Variants in LARP1B observed in about 807,000 individuals in gnomAD.
LARP1B encodes the protein la-related protein 1B.
A neutral mutation model predicts 114.2 loss-of-function variants in LARP1B; 76 were observed. The observed-to-expected ratio is 0.67, with a 90% confidence interval of 0.55 to 0.81. The LOEUF (loss-of-function observed/expected upper bound fraction) is 0.81, where lower values mean the gene tolerates loss of function less well. Among genes scored for constraint, LARP1B ranks in the 30% least tolerant of loss-of-function variants. LARP1B has a pLI of 0.00. For missense variants in LARP1B, 1,014 were observed against 1,075.8 expected (o/e 0.94, Z 0.80); for synonymous variants, 345 against 348.0 (o/e 0.99, Z 0.10).
In LARP1B at chr4:128,149,270, A is replaced by G. The variant is rs180835291; in HGVS notation, c.1525-12924A>G. Among the ~76,000 whole-genome samples the G allele has an allele frequency of 3.0e-3, 457 of 152,356 alleles. 3 individuals are homozygous for G. Among genetic ancestry groups the G allele is most frequent in the African/African-American group, 0.011 (439 of 41,578 alleles). Reference sequence around the variant, plus strand: ...AAGATTGGGTAGGTGAGGTGGGACCAGATTGCAAAGTGTCTTGAAAGCTTT... The same window carrying G: ...AAGATTGGGTAGGTGAGGTGGGACCGGATTGCAAAGTGTCTTGAAAGCTTT... On this transcript the variant is annotated intron_variant, in intron 11 of 19. Coordinates refer to ENST00000326639, the MANE Select transcript of LARP1B (RefSeq NM_018078.4).
intron 11 of LARP1B, chr4:128,155,281 G>T: frequency 2.4e-6 from 1 of 415,382 alleles, no homozygotes; most frequent in Non-Finnish European, 4.3e-6. Context: ...AAAAATCTGT[G>T]TGAAGGCACA....
chr4:128,200,505 A>G lies in LARP1B; in HGVS notation c.2165-16A>G. On this transcript the variant is annotated splice_polypyrimidine_tract_variant and intron_variant, in intron 16 of 19. Transcript: ENST00000326639. ...AGTATGTTTAATAAAATAATATTTT[A>G]TTTAACTTTTTTCAGAGAGAAAACG... 1.4e-6 allele frequency: 2 copies of G among 1,387,104 alleles called. No homozygotes were observed. The highest frequency in any genetic ancestry group is 1.9e-6 in the Non-Finnish European group (2 of 1,052,724). The allele number at this position is 1,387,104 out of a possible 1,614,324, so 85.9% of individuals were successfully genotyped here. A position where few individuals can be genotyped will look rare whatever the true frequency, so the allele number is the denominator to read the frequency against.
chr4:128,098,060 A>AT, intron 7 of LARP1B, 126 bp from the exon 8 acceptor site: 1 of 700,326 alleles, frequency 1.4e-6, no homozygotes, highest in Non-Finnish European at 2.4e-6. Context: ...TATTAGAGCT[A>AT]TACATATTGT....
chr4:128,188,627 GC>G (rs1751159644), intron 15 of LARP1B, among the ~76,000 whole-genome samples: 1 of 151,980 alleles, frequency 6.6e-6, no homozygotes, highest in African/African-American at 2.4e-5. Flanking sequence ...TTTGATGTAG[GC>G]ATTTATTGCT....
chr4:128,106,497 T>C (rs181960147), intron 8 of LARP1B, among the ~76,000 whole-genome samples: 194 of 152,138 alleles, frequency 1.3e-3, no homozygotes, highest in Non-Finnish European at 2.4e-3. Context: ...AATAAGGATT[T>C]AGTTTGTATC....
At chr4:128,166,966 CTCTCTATATA>C (rs1273036151) in intron 12 of LARP1B, among the ~76,000 whole-genome samples, 84 of 87,884 alleles carry the variant, frequency 9.6e-4, no homozygotes, top group Middle Eastern at 5.7e-3. Flanking sequence ...CTCTCTCTCT[CTCTCTATATA>C]TATATATATA....
At chr4:128,122,445 T>G (rs1434632295) in intron 11 of LARP1B, 11 of 1,450,002 alleles carry the variant, frequency 7.6e-6, no homozygotes, top group Non-Finnish European at 9.0e-6. Flanking sequence ...CTTGTTTTTT[T>G]TTTTTTTTGT....
chr4:128,069,932 C>T (rs934797575), intron 1 of LARP1B, among the ~76,000 whole-genome samples: 2 of 152,054 alleles, frequency 1.3e-5, no homozygotes, highest in Non-Finnish European at 1.5e-5. Context: ...ACTGTTGTTA[C>T]CCTAATGAAA....
At chr4:128,084,704 G>A (rs1580074092) in intron 5 of LARP1B, among the ~76,000 whole-genome samples, 1 of 151,986 alleles carries the variant, frequency 6.6e-6, no homozygotes, top group Non-Finnish European at 1.5e-5. Flanking sequence ...TCACATGGGA[G>A]TATGACCTTG....
intron 9 of LARP1B, among the ~76,000 whole-genome samples, chr4:128,111,308 A>T (rs559011358): frequency 1.3e-5 from 2 of 152,194 alleles, no homozygotes; most frequent in Non-Finnish European, 2.9e-5. Context: ...CGGCCCCCCA[A>T]AGTGCTGGGA....
chr4:128,071,602 A>G (rs1404499264), intron 1 of LARP1B, among the ~76,000 whole-genome samples: 5 of 151,210 alleles, frequency 3.3e-5, no homozygotes, highest in Non-Finnish European at 1.5e-5. Flanking sequence ...TTATATTTTT[A>G]GTAGAGATGG....
intron 1 of LARP1B, chr4:128,062,118 T>C: frequency 2.0e-6 from 2 of 985,346 alleles, no homozygotes; most frequent in South Asian, 4.7e-5. Context: ...CAGCCGCCGC[T>C]GCTGCCGCCT....
At chr4:128,150,417 C>T (rs1732253165) in intron 11 of LARP1B, among the ~76,000 whole-genome samples, 1 of 151,740 alleles carries the variant, frequency 6.6e-6, no homozygotes, top group Non-Finnish European at 1.5e-5. Flanking sequence ...CTCAGCCTCC[C>T]TAGTAGTTGG....
Position 128,082,298 on chromosome 4 carries a change from T to TA in LARP1B, c.352dup (p.Thr118AsnfsTer8), listed in dbSNP as rs780318509. The TA allele has an allele frequency of 1.2e-6, 2 of 1,613,604 alleles. No individual in the cohort carries two copies. The highest frequency in any genetic ancestry group is 2.7e-5 in the African/African-American group (2 of 75,040). The stretch of plus-strand genomic sequence containing the variant: ...CAACACATAACAATAGGAGAAATGA[T>TA]ACACGAAGTAAGTTACCATTCTAAG... On this transcript the variant is annotated frameshift_variant, in exon 5 of 20. Coordinates refer to ENST00000326639, the MANE Select transcript of LARP1B (RefSeq NM_018078.4). LOFTEE classifies it high-confidence loss of function.
chr4:128,065,253 A>ATTTATTTC (rs869130974), intron 1 of LARP1B, among the ~76,000 whole-genome samples: 66 of 89,602 alleles, frequency 7.4e-4, no homozygotes, highest in African/African-American at 1.7e-3. Context: ...CCCACAATTA[A>ATTTATTTC]TTTCTTTCTT....
Position 128,210,460 on chromosome 4 carries a change from C to T in LARP1B, c.*407C>T. Reference sequence around the variant, plus strand: ...AAGAAGATATAGTATGTTGTATTCTCTTCTTAGAGCTTTCTTAAAGAATCC... The same window carrying T: ...AAGAAGATATAGTATGTTGTATTCTTTTCTTAGAGCTTTCTTAAAGAATCC... On this transcript the variant is annotated 3_prime_UTR_variant, in exon 20 of 20. Transcript: ENST00000326639. 1 of 994,760 alleles carries T rather than the reference C, an allele frequency of 1.0e-6. No individual in the cohort carries two copies. 61.6% of individuals were successfully genotyped at this position (994,760 alleles called of 1,614,324 possible).
chr4:128,068,546 A>G (rs780747540), intron 1 of LARP1B, among the ~76,000 whole-genome samples: 12 of 152,024 alleles, frequency 7.9e-5, no homozygotes, highest in Non-Finnish European at 1.6e-4. Context: ...CATGTTGCCT[A>G]GGCTGGTCTC....
rs148001874 is a variant in LARP1B at position 128,171,193 on chromosome 4, G to A, written c.1649-5679G>A. Among the ~76,000 whole-genome samples, 1,047 of 151,792 alleles carry A rather than the reference G, an allele frequency of 6.9e-3. 6 individuals are homozygous for A. Among genetic ancestry groups the A allele is most frequent in the Non-Finnish European group, 9.6e-3 (655 of 67,934 alleles). The stretch of plus-strand genomic sequence containing the variant: ...GCCAAGGCTGGAGTGCAGTGGTCTA[G>A]TCATGGCTCACTGCAGCCTCATACT... On this transcript the variant is annotated intron_variant, in intron 12 of 19. Transcript: ENST00000326639.
chr4:128,137,036 A>G (rs1725628554), intron 11 of LARP1B, among the ~76,000 whole-genome samples: 1 of 152,210 alleles, frequency 6.6e-6, no homozygotes, highest in Non-Finnish European at 1.5e-5. Flanking sequence ...TATGAATTGA[A>G]TGGTAACTAA....
Sources: allele counts gnomAD v4.1 joint callset (sites outside exome capture counted in the v4.1 genomes callset), GRCh38; gene constraint gnomAD v4.1.1; transcripts MANE v1.5; gene names NCBI Gene and HGNC (gene_info 2026-07-23, HGNC 2026-07-21).